The following SLC10A7 variants were observed in gnomAD, a reference collection of about 807,000 sequenced individuals.
SLC10A7 encodes sodium/bile acid cotransporter 7.
A neutral mutation model predicts 43.2 loss-of-function variants in SLC10A7; 29 were observed. The ratio of observed to expected loss-of-function variants is 0.67; its 90% CI spans 0.50 to 0.92. The LOEUF is 0.92. Ranked by LOEUF, SLC10A7 falls within the 40% of genes least tolerant of loss-of-function variation. SLC10A7 has a pLI of 0.00. For synonymous variants in SLC10A7, 152 were observed against 144.8 expected (o/e 1.05, Z -0.35); for missense variants, 295 against 403.2 (o/e 0.73, Z 2.30).
intron 4 of SLC10A7, among the ~76,000 whole-genome samples, chr4:146,463,221 T>C (rs1029751808): frequency 2.0e-5 from 3 of 152,188 alleles, no homozygotes; most frequent in Non-Finnish European, 2.9e-5. Context: ...TAAAATATTA[T>C]GTGGACTCCT....
chr4:146,259,290 G>A (rs897200856), intron 10 of SLC10A7, among the ~76,000 whole-genome samples: 14 of 152,238 alleles, frequency 9.2e-5, no homozygotes, highest in African/African-American at 2.6e-4. Context: ...AAAAAAATAC[G>A]GTAAGATCAT....
intron 5 of SLC10A7, among the ~76,000 whole-genome samples, chr4:146,337,174 T>C (rs1157744157): frequency 6.6e-6 from 1 of 152,076 alleles, no homozygotes; most frequent in Non-Finnish European, 1.5e-5. Context: ...AAGAAGTTTC[T>C]TAAAAATGCT....
intron 9 of SLC10A7, among the ~76,000 whole-genome samples, chr4:146,284,358 G>C (rs1296157061): frequency 6.6e-6 from 1 of 151,998 alleles, no homozygotes; most frequent in African/African-American, 2.4e-5. Context: ...CCCCATGCAC[G>C]ACTTTTGCTG....
chr4:146,327,252 T>C (rs1341780630), intron 5 of SLC10A7, among the ~76,000 whole-genome samples: 1 of 152,202 alleles, frequency 6.6e-6, no homozygotes, highest in Non-Finnish European at 1.5e-5. Flanking sequence ...AATAATAGAA[T>C]GAACATTTTT....
intron 5 of SLC10A7, among the ~76,000 whole-genome samples, chr4:146,405,129 G>T (rs538489478): frequency 6.6e-6 from 1 of 152,214 alleles, no homozygotes; most frequent in Admixed American, 6.5e-5. Context: ...TTCACCCAAA[G>T]CCTTTTAAAA....
intron 6 of SLC10A7, among the ~76,000 whole-genome samples, chr4:146,315,324 T>C (rs1001902396): frequency 1.3e-4 from 20 of 152,284 alleles, no homozygotes; most frequent in African/African-American, 4.6e-4. Flanking sequence ...TTCAGTCTTC[T>C]CTATTATATG....
chr4:146,459,208 C>G (rs1275684785), intron 4 of SLC10A7, among the ~76,000 whole-genome samples: 1 of 151,646 alleles, frequency 6.6e-6, no homozygotes, highest in Non-Finnish European at 1.5e-5. Context: ...TTCTAAAAGA[C>G]TTAAATAGAG....
At chr4:146,352,561 AC>A (rs1309732633) in intron 5 of SLC10A7, among the ~76,000 whole-genome samples, 7 of 150,920 alleles carry the variant, frequency 4.6e-5, no homozygotes, top group Admixed American at 1.3e-4. Context: ...AGAACTCTCC[AC>A]CCCAAATCAA....
At chr4:146,481,716 C>T (rs967597396) in intron 4 of SLC10A7, among the ~76,000 whole-genome samples, 1 of 152,114 alleles carries the variant, frequency 6.6e-6, no homozygotes, top group Non-Finnish European at 1.5e-5. Context: ...AGAACTGCAT[C>T]CAATCATGCC....
At chr4:146,280,116 A>G (rs538383745) in intron 10 of SLC10A7, among the ~76,000 whole-genome samples, 1 of 152,300 alleles carries the variant, frequency 6.6e-6, no homozygotes, top group South Asian at 2.1e-4. Flanking sequence ...ACTAGATATA[A>G]TAATGAATGG....
At chr4:146,516,975 A>C in intron 2 of SLC10A7, 63 bp downstream of exon 2, 1 of 1,292,720 alleles carries the variant, frequency 7.7e-7, no homozygotes, top group Non-Finnish European at 1.1e-6. Context: ...GGACTCTTAA[A>C]TTTAAGTAAG....
Position 146,449,683 on chromosome 4 carries a change from C to A in SLC10A7, c.397-6862G>T, listed in dbSNP as rs368593498. On this transcript the variant is annotated intron_variant, in intron 4 of 11. Coordinates refer to ENST00000335472, the MANE Select transcript of SLC10A7 (RefSeq NM_001029998.6). The stretch of plus-strand genomic sequence containing the variant: ...AAACACAAACCACCACCACCACCAC[C>A]ACCACAACAACAACAACAAAAACAG... 6.9e-3 allele frequency among the ~76,000 whole-genome samples: 1,039 copies of A among 151,626 alleles called. 10 individuals carry two copies. Among genetic ancestry groups the A allele is most frequent in the African/African-American group, 0.024 (988 of 41,424 alleles).
intron 5 of SLC10A7, among the ~76,000 whole-genome samples, chr4:146,363,460 A>G (rs924912670): frequency 6.6e-6 from 1 of 152,146 alleles, no homozygotes; most frequent in Non-Finnish European, 1.5e-5. Context: ...TCATCCAGAC[A>G]GAAATCCAAC....
At position 146,447,470 on chromosome 4, in the gene SLC10A7, C is replaced by G. The variant is rs17021513; in HGVS notation, c.397-4649G>C. Among the ~76,000 whole-genome samples the G allele has an allele frequency of 5.3e-3, 803 of 152,114 alleles. 7 individuals carry two copies. Among genetic ancestry groups the G allele is most frequent in the African/African-American group, 0.018 (766 of 41,492 alleles). ...CCTTTGTTAGAAAATATTTCAAAAC[C>G]CATTCCTCCTCTAGAATGCTCCATT... On this transcript the variant is annotated intron_variant, in intron 4 of 11. Coordinates refer to ENST00000335472, the MANE Select transcript of SLC10A7 (RefSeq NM_001029998.6).
intron 5 of SLC10A7, among the ~76,000 whole-genome samples, chr4:146,360,970 G>C (rs1031967582): frequency 6.6e-6 from 1 of 152,032 alleles, no homozygotes; most frequent in Admixed American, 6.6e-5. Flanking sequence ...TGTGCATGCT[G>C]TTCCCTCTAC....
At chr4:146,283,421 T>A (rs1729676454) in intron 9 of SLC10A7, among the ~76,000 whole-genome samples, 156 bp from the exon 10 acceptor site, 2 of 152,208 alleles carry the variant, frequency 1.3e-5, no homozygotes, top group African/African-American at 2.4e-5. Context: ...GTGTCTGGAT[T>A]TCTTTTTAGA....
intron 5 of SLC10A7, among the ~76,000 whole-genome samples, chr4:146,382,231 T>C (rs1377317283): frequency 1.3e-5 from 2 of 152,186 alleles, no homozygotes; most frequent in African/African-American, 4.8e-5. Flanking sequence ...ACATTTCTAG[T>C]TATGTTGACA....
intron 5 of SLC10A7, among the ~76,000 whole-genome samples, chr4:146,423,432 T>C (rs929945390): frequency 6.6e-6 from 1 of 152,216 alleles, no homozygotes; most frequent in African/African-American, 2.4e-5. Flanking sequence ...TGGTTAAAAG[T>C]GTTGAATAAC....
chr4:146,430,734 A>G (rs138906280), intron 5 of SLC10A7, among the ~76,000 whole-genome samples: 1 of 152,324 alleles, frequency 6.6e-6, no homozygotes, highest in East Asian at 1.9e-4. Context: ...ATCCCCGGAC[A>G]CATAGAATAT....
Sources: allele counts gnomAD v4.1 joint callset (sites outside exome capture counted in the v4.1 genomes callset), GRCh38; gene constraint gnomAD v4.1.1; transcripts MANE v1.5; gene names NCBI Gene and HGNC (gene_info 2026-07-23, HGNC 2026-07-21).